The following WDR83 variants were observed in gnomAD, a reference collection of about 807,000 sequenced individuals.
The protein encoded by WDR83 is WD repeat domain-containing protein 83.
Under a neutral mutation model 37.7 loss-of-function variants are expected in WDR83, and 37 were observed. The observed-to-expected ratio is 0.98, with a 90% CI of 0.76 to 1.29. WDR83 has a LOEUF of 1.29. Ranked by LOEUF, WDR83 falls within the 50% of genes most tolerant of loss-of-function variation. WDR83 has a pLI of 0.00. For synonymous variants in WDR83, 174 were observed against 181.1 expected (o/e 0.96, Z 0.31); for missense variants, 445 against 414.4 (o/e 1.07, Z -0.64).
At chr19:12,671,854 C>T (rs2024430255) in intron 7 of WDR83, among the ~76,000 whole-genome samples, 1 of 151,996 alleles carries the variant, frequency 6.6e-6, no homozygotes, top group African/African-American at 2.4e-5. Context: ...CGTGCCACCA[C>T]GCCCAGCTAA....
rs774389048 is a variant in WDR83 at position 12,670,017 on chromosome 19, G to T, written c.144G>T (p.Thr48=). The part of the protein sequence containing the change: ...NYCLTCGSDK[T]LKLWNPLRGT... ...GCCTGACGTGCGGCAGTGACAAGAC[G>T]CTGAAGCTGTGGAACCCGCTTCGGG... Residue 48 remains threonine, a synonymous_variant, in exon 4 of 11, where the codon ACG becomes ACT. Transcript: ENST00000418543. 26 of 1,613,168 alleles carry T rather than the reference G, an allele frequency of 1.6e-5. No homozygotes were observed. The South Asian group carries it at 2.6e-4, about 16-fold the overall frequency.
At chr19:12,669,055 G>A (rs1366641371) in intron 2 of WDR83, 2 of 1,497,162 alleles carry the variant, frequency 1.3e-6, no homozygotes, top group African/African-American at 1.4e-5. Context: ...AAGACACCCC[G>A]CTTCATTCCA....
rs972369788 is a variant in WDR83 at position 12,668,777 on chromosome 19, T to A, written c.-37+150T>A. 7 of 674,722 alleles carry A rather than the reference T, an allele frequency of 1.0e-5. No individual in the cohort carries two copies. The African/African-American group carries it at 1.1e-4, about 10-fold the overall frequency. The allele number at this position is 674,722 out of a possible 1,614,324, so 41.8% of individuals were successfully genotyped here. On this transcript the variant is annotated intron_variant, in intron 2 of 10. Coordinates refer to ENST00000418543, the MANE Select transcript of WDR83 (RefSeq NM_001099737.3). Reference sequence around the variant, plus strand: ...TCAGTCCCACCTGCTCATGGCATACTCTAGATACGTGGTTTCTAGTCCTAC... The same window carrying A: ...TCAGTCCCACCTGCTCATGGCATACACTAGATACGTGGTTTCTAGTCCTAC...
intron 8 of WDR83, 26 bp from the exon 9 acceptor site, chr19:12,672,982 A>G (rs760382180): frequency 1.9e-6 from 3 of 1,603,854 alleles, no homozygotes; most frequent in Non-Finnish European, 1.7e-6. Flanking sequence ...CCCCACCCTC[A>G]CTCACCTACC....
chr19:12,669,488 C>T lies in WDR83; in HGVS notation c.-36-267C>T, dbSNP rs529708195. The stretch of plus-strand genomic sequence containing the variant: ...AAGCTGAGGGCGGATTTTAGAGTAA[C>T]ACCCGAGGCCCTCGCATTTCCGTTC... On this transcript the variant is annotated intron_variant, in intron 2 of 10. Coordinates refer to ENST00000418543, the MANE Select transcript of WDR83 (RefSeq NM_001099737.3). 1.3e-4 allele frequency: 195 copies of T among 1,482,524 alleles called. 2 individuals are homozygous for T. In the South Asian group the frequency reaches 2.2e-3, roughly 17 times the overall value. 91.8% of individuals were successfully genotyped at this position (1,482,524 alleles called of 1,614,324 possible). A position where few individuals can be genotyped will look rare whatever the true frequency, so the allele number is the denominator to read the frequency against.
intron 5 of WDR83, 78 bp downstream of exon 5, chr19:12,670,363 A>G (rs2024376245): frequency 1.3e-6 from 2 of 1,538,724 alleles, no homozygotes; most frequent in African/African-American, 1.4e-5. Flanking sequence ...GGCCACCCCC[A>G]TTACACCGTA....
In WDR83 at chr19:12,668,472, C is replaced by T. The variant is rs748541405; in HGVS notation, c.-156-36C>T. 1.8e-5 allele frequency: 29 copies of T among 1,612,882 alleles called. No homozygotes were observed. In the South Asian group the frequency reaches 2.6e-4, roughly 15 times the overall value. On this transcript the variant is annotated intron_variant, in intron 1 of 10. Transcript: ENST00000418543. Reference sequence around the variant, plus strand: ...AGTCTAGGATGGCCAGGCTGGGGTCCCCCCACCCCTTACTCAAGAGTCACT... The same window carrying T: ...AGTCTAGGATGGCCAGGCTGGGGTCTCCCCACCCCTTACTCAAGAGTCACT...
At chr19:12,668,673 G>A (rs1345916563) in intron 2 of WDR83, 46 bp downstream of exon 2, 11 of 1,443,898 alleles carry the variant, frequency 7.6e-6, no homozygotes, top group Non-Finnish European at 1.1e-5. Context: ...ATGAGTCCCC[G>A]AAGCCACCTT....
At chr19:12,670,964 A>C in intron 7 of WDR83, 143 bp downstream of exon 7, 1 of 1,298,684 alleles carries the variant, frequency 7.7e-7, no homozygotes, top group Non-Finnish European at 1.0e-6. Context: ...AAGTGGAAGG[A>C]TCACTTGAGT....
intron 10 of WDR83, among the ~76,000 whole-genome samples, chr19:12,673,902 GT>G (rs1252520442): frequency 6.6e-6 from 1 of 152,128 alleles, no homozygotes; most frequent in African/African-American, 2.4e-5. Flanking sequence ...GTTTCACCAT[GT>G]TGGCCAGGCT....
rs564060878 is a variant in WDR83, at chr19:12,669,548, G to A, written c.-36-207G>A. The A allele has an allele frequency of 2.0e-3, 2,111 of 1,074,282 alleles. 3 individuals are homozygous for A. Among genetic ancestry groups the A allele is most frequent in the Non-Finnish European group, 2.6e-3 (1,933 of 744,170 alleles). The allele number at this position is 1,074,282 out of a possible 1,614,324, so 66.5% of individuals were successfully genotyped here. A position where few individuals can be genotyped will look rare whatever the true frequency, so the allele number is the denominator to read the frequency against. Reference sequence around the variant, plus strand: ...GAGGCTTGGACTCCCCTTACCCAGAGAACGGAGATTTAGGAGAAGCCAGAA... The same window carrying A: ...GAGGCTTGGACTCCCCTTACCCAGAAAACGGAGATTTAGGAGAAGCCAGAA... On this transcript the variant is annotated intron_variant, in intron 2 of 10. Transcript: ENST00000418543.
intron 10 of WDR83, among the ~76,000 whole-genome samples, chr19:12,675,112 C>CA (rs370003481): frequency 0.04 from 5,850 of 144,782 alleles, 133 homozygotes; most frequent in Non-Finnish European, 0.046. Flanking sequence ...GACTCCATCT[C>CA]AAAAAAAAAC....
chr19:12,673,888 C>T (rs2024492876), intron 10 of WDR83, among the ~76,000 whole-genome samples: 1 of 152,060 alleles, frequency 6.6e-6, no homozygotes, highest in Non-Finnish European at 1.5e-5. Flanking sequence ...TTAGTAGAGA[C>T]AGGGTTTCAC....
intron 7 of WDR83, among the ~76,000 whole-genome samples, chr19:12,671,790 T>C (rs2024427572): frequency 6.6e-6 from 1 of 152,132 alleles, no homozygotes; most frequent in African/African-American, 2.4e-5. Context: ...CTCTAACTTC[T>C]AGGTTCAGGC....
chr19:12,670,818 C>G lies in WDR83; in HGVS notation c.503C>G (p.Ala168Gly), dbSNP rs1568313276. Residue 168 changes from alanine to glycine, a missense_variant, in exon 7 of 11, where the codon GCA becomes GGA. Coordinates refer to ENST00000418543, the MANE Select transcript of WDR83 (RefSeq NM_001099737.3). ...AAGGTGTCAGACCACGAGATCCTGG[C>G]AGGGTGAGTGGAGCCAGGACCTGGT... ...SVKVSDHEIL[A>G]GSVDGRVRRY... 1 of 1,612,576 alleles carries G rather than the reference C, an allele frequency of 6.2e-7. No individual in the cohort carries two copies. Among genetic ancestry groups the G allele is most frequent in the South Asian group, 1.1e-5 (1 of 90,876 alleles).
Position 12,670,268 on chromosome 19 carries a change from T to C in WDR83, c.313T>C (p.Phe105Leu), listed in dbSNP as rs777075907. Residue 105 changes from phenylalanine to leucine, a missense_variant, in exon 5 of 11, where the codon TTC becomes CTC. Coordinates refer to ENST00000418543, the MANE Select transcript of WDR83 (RefSeq NM_001099737.3). ...GGCATCAGGGCAGGTCGTGCGCAAA[T>C]TCCGGGGCCACGCAGGGGTGAGTGA... is the stretch of plus-strand genomic sequence containing the variant. ...DVASGQVVRK[F>L]RGHAGKVNTV... is the part of the protein sequence containing the mutation. 6 of 1,614,026 alleles carry C rather than the reference T, an allele frequency of 3.7e-6. No homozygotes were observed. The highest frequency in any genetic ancestry group is 2.2e-5 in the East Asian group (1 of 44,868).
intron 4 of WDR83, 27 bp from the exon 5 acceptor site, chr19:12,670,153 G>A (rs776276285): frequency 1.2e-6 from 2 of 1,610,086 alleles, no homozygotes; most frequent in Non-Finnish European, 1.7e-6. Flanking sequence ...CGAGGTCGAT[G>A]CTGATCCTCC....
chr19:12,674,146 T>A (rs1278995767), intron 10 of WDR83, among the ~76,000 whole-genome samples: 1 of 152,226 alleles, frequency 6.6e-6, no homozygotes. Flanking sequence ...CAGGCTGGGC[T>A]GCAGATGCCA....
chr19:12,667,026 G>A (rs1392392118), intron 1 of WDR83, 34 bp downstream of exon 1: 5 of 427,974 alleles, frequency 1.2e-5, no homozygotes, highest in Admixed American at 4.0e-5. Flanking sequence ...AAGGGGGCCG[G>A]GTTTTCCTAG....
Sources: gnomAD v4.1 joint callset for allele counts (sites outside exome capture counted in the v4.1 genomes callset) on GRCh38, gnomAD v4.1.1 for gene constraint, MANE v1.5 for transcripts, NCBI Gene and HGNC (gene_info 2026-07-23, HGNC 2026-07-21) for gene names.